Variants in DPP10 observed in about 807,000 individuals in gnomAD.
DPP10 encodes inactive dipeptidyl peptidase 10.
A neutral mutation model predicts 120.9 loss-of-function variants in DPP10; 33 were observed. That is an observed-to-expected ratio of 0.27 (90% CI 0.21 to 0.37). The LOEUF (loss-of-function observed/expected upper bound fraction) is 0.37, where lower values mean the gene tolerates loss of function less well. Ranked by LOEUF, DPP10 falls within the 10% of genes least tolerant of loss-of-function variation. The probability of loss-of-function intolerance (pLI) is 1.00; values close to 1 mark genes in which losing one functional copy is unlikely to be tolerated. For synonymous variants in DPP10, 337 were observed against 326.1 expected, an observed-to-expected ratio of 1.03 and a Z score of -0.36; for missense variants, 816 against 942.8, an observed-to-expected ratio of 0.87 and a Z score of 1.76.
At position 115,817,236 on chromosome 2, in the gene DPP10, G is replaced by C. The variant is rs572904159; in HGVS notation, c.1950+1507G>C. On this transcript the variant is annotated intron_variant, in intron 21 of 25. Transcript: ENST00000410059. ...CACTCCAGCCTGGGCGACAGAGCGA[G>C]ACTCCGTCTCAAAATAAAATAAAAT... Among the ~76,000 whole-genome samples, 399 of 120,182 alleles carry C rather than the reference G, an allele frequency of 3.3e-3. 2 individuals carry two copies. The highest frequency in any genetic ancestry group is 0.011 in the Admixed American group (108 of 10,174). The allele number at this position is 120,182 out of a possible 152,430, so 78.8% of individuals were successfully genotyped here.
chr2:115,538,247 C>G (rs1354247936), intron 5 of DPP10, among the ~76,000 whole-genome samples: 3 of 151,936 alleles, frequency 2.0e-5, no homozygotes, highest in Non-Finnish European at 2.9e-5. Flanking sequence ...CGATAGAGTT[C>G]TGAATACTAG....
At chr2:114,993,924 T>C (rs1700917768) in intron 1 of DPP10, among the ~76,000 whole-genome samples, 1 of 152,138 alleles carries the variant, frequency 6.6e-6, no homozygotes, top group Non-Finnish European at 1.5e-5. Context: ...ATTTCCTCCT[T>C]GAATAGCCTT....
chr2:114,934,450 A>G (rs537672976), intron 1 of DPP10, among the ~76,000 whole-genome samples: 3 of 152,302 alleles, frequency 2.0e-5, no homozygotes, highest in African/African-American at 7.2e-5. Context: ...ATTAAGTGGG[A>G]GTGAAACATC....
intron 1 of DPP10, among the ~76,000 whole-genome samples, chr2:114,795,077 T>G (rs1375258129): frequency 6.6e-6 from 1 of 152,190 alleles, no homozygotes; most frequent in Non-Finnish European, 1.5e-5. Flanking sequence ...AACTTATTCT[T>G]TACGGTATAT....
At chr2:115,554,569 A>G (rs2080091730) in intron 5 of DPP10, among the ~76,000 whole-genome samples, 1 of 152,058 alleles carries the variant, frequency 6.6e-6, no homozygotes, top group Non-Finnish European at 1.5e-5. Context: ...GTGTTCACAA[A>G]TCCATGCTGG....
chr2:114,641,019 G>A (rs979322052), intron 1 of DPP10, among the ~76,000 whole-genome samples: 1 of 151,860 alleles, frequency 6.6e-6, no homozygotes, highest in Non-Finnish European at 1.5e-5. Flanking sequence ...GTTTGAAGAG[G>A]AGAAAAATAA....
chr2:114,691,802 C>G (rs899162313), intron 1 of DPP10, among the ~76,000 whole-genome samples: 1 of 151,608 alleles, frequency 6.6e-6, no homozygotes. Context: ...CTTTGTGGTT[C>G]AGTTTTGGGA....
At chr2:115,178,687 C>T (rs1057319744) in intron 1 of DPP10, among the ~76,000 whole-genome samples, 1 of 152,128 alleles carries the variant, frequency 6.6e-6, no homozygotes, top group Non-Finnish European at 1.5e-5. Context: ...TCCCAATTAG[C>T]AAAACTGGAA....
At chr2:115,250,527 T>G (rs189112171) in intron 1 of DPP10, among the ~76,000 whole-genome samples, 76 of 152,296 alleles carry the variant, frequency 5.0e-4, no homozygotes, top group African/African-American at 1.8e-3. Context: ...AAAGGGAATG[T>G]CTGAGCAATG....
At chr2:115,089,693 A>G (rs376152748) in intron 1 of DPP10, among the ~76,000 whole-genome samples, 2 of 152,238 alleles carry the variant, frequency 1.3e-5, no homozygotes, top group African/African-American at 4.8e-5. Flanking sequence ...AGCCAGCACA[A>G]ACATAGTTTT....
intron 1 of DPP10, among the ~76,000 whole-genome samples, chr2:115,159,527 G>A (rs1438132072): frequency 6.6e-6 from 1 of 151,990 alleles, no homozygotes; most frequent in African/African-American, 2.4e-5. Context: ...ATCTTACACT[G>A]TAATTCAAGT....
At chr2:114,712,252 G>A (rs1463477265) in intron 1 of DPP10, among the ~76,000 whole-genome samples, 5 of 152,174 alleles carry the variant, frequency 3.3e-5, no homozygotes, top group Non-Finnish European at 7.3e-5. Flanking sequence ...CTCAGGAGAT[G>A]GAGGTTGCAG....
chr2:115,261,403 C>G (rs1439306293), intron 1 of DPP10, among the ~76,000 whole-genome samples: 1 of 152,142 alleles, frequency 6.6e-6, no homozygotes, highest in Non-Finnish European at 1.5e-5. Flanking sequence ...TGAAGAAATA[C>G]GGTTTAGTGA....
At chr2:115,711,603 C>T (rs1370659886) in intron 7 of DPP10, among the ~76,000 whole-genome samples, 1 of 151,908 alleles carries the variant, frequency 6.6e-6, no homozygotes, top group African/African-American at 2.4e-5. Context: ...GAAAAAGATG[C>T]ACAGTTGGTA....
chr2:114,779,391 G>A (rs1439489788), intron 1 of DPP10, among the ~76,000 whole-genome samples: 1 of 152,038 alleles, frequency 6.6e-6, no homozygotes, highest in Non-Finnish European at 1.5e-5. Flanking sequence ...CAGAACAAGA[G>A]CCAGCTCCCT....
chr2:114,786,481 G>T (rs936260163), intron 1 of DPP10, among the ~76,000 whole-genome samples: 3 of 152,134 alleles, frequency 2.0e-5, no homozygotes, highest in Non-Finnish European at 4.4e-5. Context: ...GGTGTATTTT[G>T]AAAAGAATTA....
At chr2:114,889,133 A>T (rs1692329201) in intron 1 of DPP10, among the ~76,000 whole-genome samples, 1 of 152,164 alleles carries the variant, frequency 6.6e-6, no homozygotes. Flanking sequence ...GCTGCAGAAG[A>T]GCTACATCCC....
intron 1 of DPP10, among the ~76,000 whole-genome samples, chr2:114,860,517 G>A (rs752239136): frequency 6.6e-6 from 1 of 152,070 alleles, no homozygotes; most frequent in African/African-American, 2.4e-5. Context: ...ATGATTTATT[G>A]TCTAGTTTGT....
At chr2:115,401,127 A>G (rs961762868) in intron 3 of DPP10, among the ~76,000 whole-genome samples, 9 of 152,208 alleles carry the variant, frequency 5.9e-5, no homozygotes, top group African/African-American at 2.2e-4. Context: ...GAGGCCTGAG[A>G]GGGATTTGAG....
Sources: allele counts gnomAD v4.1 joint callset (sites outside exome capture counted in the v4.1 genomes callset), GRCh38; gene constraint gnomAD v4.1.1; transcripts MANE v1.5; gene names NCBI Gene and HGNC (gene_info 2026-07-23, HGNC 2026-07-21).